The following MMS22L variants were observed in gnomAD, a reference collection of about 807,000 sequenced individuals.
MMS22L encodes protein MMS22-like.
Under a neutral mutation model 159.1 loss-of-function variants are expected in MMS22L, and 74 were observed. That is an observed-to-expected ratio of 0.47 (90% CI 0.39 to 0.56). The LOEUF (loss-of-function observed/expected upper bound fraction) is 0.56. MMS22L is among the 20% of genes least tolerant of loss of function. The pLI is 0.00. For missense variants in MMS22L, 1,351 were observed against 1,422.1 expected (o/e 0.95, Z 0.80); for synonymous variants, 517 against 506.9 (o/e 1.02, Z -0.27).
intron 14 of MMS22L, among the ~76,000 whole-genome samples, chr6:97,188,886 C>A (rs1275845102): frequency 2.0e-5 from 3 of 152,118 alleles, no homozygotes; most frequent in African/African-American, 7.2e-5. Context: ...TGCTTGAACC[C>A]AGGAGGTGGA....
At chr6:97,216,906 CA>C (rs1488443674) in intron 14 of MMS22L, among the ~76,000 whole-genome samples, 1 of 152,184 alleles carries the variant, frequency 6.6e-6, no homozygotes, top group Non-Finnish European at 1.5e-5. Flanking sequence ...ATAATCATGG[CA>C]CTTCTATTCC....
chr6:97,242,804 C>T (rs1812224055), intron 11 of MMS22L, among the ~76,000 whole-genome samples: 1 of 152,156 alleles, frequency 6.6e-6, no homozygotes, highest in East Asian at 1.9e-4. Flanking sequence ...ATTTGTTTGT[C>T]TGAAAAATAC....
chr6:97,259,981 T>C (rs1814279277), intron 9 of MMS22L: 1 of 152,146 alleles, frequency 6.6e-6, no homozygotes, highest in South Asian at 2.1e-4. Context: ...TTTCATTGAG[T>C]CATTTTAAAT....
At chr6:97,245,661 T>A (rs964641559) in intron 11 of MMS22L, among the ~76,000 whole-genome samples, 3 of 152,142 alleles carry the variant, frequency 2.0e-5, no homozygotes, top group Non-Finnish European at 2.9e-5. Flanking sequence ...GATAATAGAT[T>A]TGTTTCTGAT....
intron 9 of MMS22L, among the ~76,000 whole-genome samples, chr6:97,255,876 A>T (rs1336080229): frequency 1.3e-5 from 2 of 152,168 alleles, no homozygotes; most frequent in African/African-American, 4.8e-5. Flanking sequence ...CATCACTATA[A>T]AACAACTTAA....
intron 4 of MMS22L, among the ~76,000 whole-genome samples, chr6:97,274,424 C>A (rs1816054410): frequency 6.6e-6 from 1 of 152,126 alleles, no homozygotes; most frequent in East Asian, 1.9e-4. Context: ...ACATCTGCAT[C>A]CAGGCAAGAC....
At chr6:97,217,402 C>T (rs1045271688) in intron 14 of MMS22L, among the ~76,000 whole-genome samples, 2 of 151,936 alleles carry the variant, frequency 1.3e-5, no homozygotes, top group Non-Finnish European at 1.5e-5. Flanking sequence ...TACAGGTGCC[C>T]ACCACCACGC....
At chr6:97,203,777 A>AT (rs1339903571) in intron 14 of MMS22L, among the ~76,000 whole-genome samples, 2 of 152,088 alleles carry the variant, frequency 1.3e-5, no homozygotes, top group African/African-American at 4.8e-5. Flanking sequence ...CAGGGTAACC[A>AT]TTTTTTCTTT....
At position 97,168,078 on chromosome 6, in the gene MMS22L, T is replaced by A. The variant is rs1279665501; in HGVS notation, c.3002A>T (p.Tyr1001Phe). The A allele has an allele frequency of 1.9e-6, 3 of 1,607,786 alleles. No individual in the cohort carries two copies. The highest frequency in any genetic ancestry group is 2.5e-6 in the Non-Finnish European group (3 of 1,177,778). ...CAACCACAGATACTATACCTGGAGA[T>A]ACAAAGGAAGACTTTTCTGAATTGC... Reference protein sequence around the residue: ...LSAIQKSLPLYLQGMCIVCCQ... With the variant: ...LSAIQKSLPLFLQGMCIVCCQ... The change falls in exon 20 of 25, where the codon TAT (tyrosine) becomes TTT (phenylalanine). Residue 1001 changes from tyrosine to phenylalanine, a missense_variant. Tyr to Phe is a conservative substitution (Grantham distance 22). Transcript: ENST00000683635.
At chr6:97,224,733 A>AT (rs989536435) in intron 14 of MMS22L, among the ~76,000 whole-genome samples, 568 of 145,064 alleles carry the variant, frequency 3.9e-3, no homozygotes, top group Non-Finnish European at 5.1e-3. Flanking sequence ...TTCATCTCTA[A>AT]TTTTTTTTTT....
intron 8 of MMS22L, chr6:97,266,594 A>G (rs1357824470): frequency 6.6e-6 from 1 of 152,180 alleles, no homozygotes; most frequent in African/African-American, 2.4e-5. Context: ...TGGTATAGCT[A>G]CCTTGTATAT....
Position 97,178,453 on chromosome 6 carries a change from C to A in MMS22L, c.2669G>T (p.Arg890Leu). The A allele has an allele frequency of 6.5e-7, 1 of 1,543,372 alleles. No homozygotes were observed. The highest frequency in any genetic ancestry group is 1.3e-5 in the South Asian group (1 of 76,212). Reference protein sequence around the residue: ...ISEDPKKALVRFFEAVGVTYG... With the variant: ...ISEDPKKALVLFFEAVGVTYG... ...ATAAATGACAAATACCTCAAAGAAT[C>A]GAACAAGTGCTTTTTTAGGGTCTTC... Residue 890 changes from arginine to leucine, a missense_variant, in exon 18 of 25, where the codon CGA (arginine) becomes CTA (leucine). Arg to Leu is a moderately radical substitution (Grantham distance 102). Transcript: ENST00000683635.
chr6:97,223,281 T>C (rs1809848280), intron 14 of MMS22L, among the ~76,000 whole-genome samples: 1 of 151,910 alleles, frequency 6.6e-6, no homozygotes, highest in Admixed American at 6.6e-5. Context: ...ACACACATTT[T>C]TGCAAGGACT....
At chr6:97,210,604 C>G (rs1220265028) in intron 14 of MMS22L, among the ~76,000 whole-genome samples, 43 of 151,810 alleles carry the variant, frequency 2.8e-4, no homozygotes, top group Admixed American at 2.8e-3. Flanking sequence ...AAATTCAGAA[C>G]AGCATACCAA....
intron 17 of MMS22L, 75 bp downstream of exon 17, chr6:97,179,333 A>G (rs1804450912): frequency 2.0e-5 from 26 of 1,272,212 alleles, no homozygotes; most frequent in Admixed American, 4.7e-5. Context: ...TATTAATTAC[A>G]TAACAAATGA....
At chr6:97,181,586 A>G (rs2128273919) in intron 16 of MMS22L, among the ~76,000 whole-genome samples, 1 of 152,286 alleles carries the variant, frequency 6.6e-6, no homozygotes, top group Middle Eastern at 3.4e-3. Flanking sequence ...CAGATTCAGT[A>G]ATAATAAATG....
At chr6:97,174,946 C>T (rs1803974100) in intron 18 of MMS22L, among the ~76,000 whole-genome samples, 1 of 152,102 alleles carries the variant, frequency 6.6e-6, no homozygotes, top group East Asian at 1.9e-4. Context: ...CTTGACTAAT[C>T]CCATTCCTCT....
intron 11 of MMS22L, among the ~76,000 whole-genome samples, chr6:97,235,564 T>C (rs1254544036): frequency 1.3e-5 from 2 of 152,130 alleles, no homozygotes; most frequent in Non-Finnish European, 2.9e-5. Context: ...AGAGAAGTAC[T>C]TCAGAAAAAC....
intron 22 of MMS22L, among the ~76,000 whole-genome samples, chr6:97,155,131 T>C (rs775496857): frequency 3.3e-5 from 5 of 150,194 alleles, no homozygotes; most frequent in Non-Finnish European, 5.9e-5. Flanking sequence ...GAATCCATTG[T>C]GATCATCTCT....
Sources: allele counts gnomAD v4.1 joint callset (sites outside exome capture counted in the v4.1 genomes callset), GRCh38; gene constraint gnomAD v4.1.1; transcripts MANE v1.5; gene names NCBI Gene and HGNC (gene_info 2026-07-23, HGNC 2026-07-21).